RHEX: variants seen among roughly 807,000 people sequenced by gnomAD.
RHEX encodes regulator of hemoglobinization and erythroid cell expansion, also known as regulator of hemoglobinization and erythroid cell expansion protein.
In RHEX, 18 loss-of-function variants were observed where a neutral mutation model predicts 20.1. That is an observed-to-expected ratio of 0.90 (90% confidence interval 0.62 to 1.33). The LOEUF (loss-of-function observed/expected upper bound fraction) is 1.33. Ranked by LOEUF, RHEX falls within the 40% of genes most tolerant of loss-of-function variation. RHEX has a pLI of 0.00. For missense variants in RHEX, 192 were observed against 214.3 expected, an observed-to-expected ratio of 0.90 and a Z score of 0.65; for synonymous variants, 87 against 77.1, an observed-to-expected ratio of 1.13 and a Z score of -0.67.
chr1:206,062,969 C>A (rs1302589326), intron 1 of RHEX, among the ~76,000 whole-genome samples: 8 of 152,146 alleles, frequency 5.3e-5, no homozygotes, highest in Admixed American at 5.2e-4. Flanking sequence ...CATAAACACA[C>A]AAAATGTCAG....
At chr1:206,070,597 G>A (rs191426820) in intron 1 of RHEX, among the ~76,000 whole-genome samples, 1 of 152,210 alleles carries the variant, frequency 6.6e-6, no homozygotes, top group Non-Finnish European at 1.5e-5. Context: ...TGTTTCTACT[G>A]TACTGGGGAA....
intron 1 of RHEX, among the ~76,000 whole-genome samples, chr1:206,054,156 A>T: frequency 6.6e-6 from 1 of 152,036 alleles, no homozygotes; most frequent in East Asian, 1.9e-4. Flanking sequence ...GGGAGACAGA[A>T]TTTATGTAAA....
At chr1:206,064,181 A>G in intron 1 of RHEX, among the ~76,000 whole-genome samples, 1 of 139,750 alleles carries the variant, frequency 7.2e-6, no homozygotes, top group African/African-American at 2.8e-5. Flanking sequence ...AGAAGTTAGG[A>G]GCCTCTCCGC....
At chr1:206,096,395 G>A (rs1663069075) in intron 1 of RHEX, among the ~76,000 whole-genome samples, 1 of 152,200 alleles carries the variant, frequency 6.6e-6, no homozygotes, top group Non-Finnish European at 1.5e-5. Flanking sequence ...TTTAAAAATG[G>A]AACATTGTTG....
intron 1 of RHEX, among the ~76,000 whole-genome samples, chr1:206,094,089 C>T (rs571239262): frequency 6.6e-6 from 1 of 152,166 alleles, no homozygotes; most frequent in South Asian, 2.1e-4. Context: ...GAGGATGGAA[C>T]GAGGCACACC....
In RHEX at chr1:206,099,682, C is replaced by T. The variant is rs782274022; in HGVS notation, c.140C>T (p.Ala47Val). 5.6e-6 allele frequency: 9 copies of T among 1,613,976 alleles called. No homozygotes were observed. The highest frequency in any genetic ancestry group is 3.3e-5 in the South Asian group (3 of 91,082). The change falls in exon 4 of 6, where the codon GCG (alanine) becomes GTG (valine). Residue 47 changes from alanine (A) to valine (V), a missense_variant. Ala to Val is a moderately conservative substitution (Grantham distance 64). Transcript: ENST00000331555. ...MAHKSEQILK[A>V]ASLQVPRPSP... ...CACAAGAGTGAACAGATACTGAAAGCGGCCAGTCTCCAGGTTCCCAGGCCC... is the reference window on the plus strand; with the variant it reads ...CACAAGAGTGAACAGATACTGAAAGTGGCCAGTCTCCAGGTTCCCAGGCCC...
intron 1 of RHEX, among the ~76,000 whole-genome samples, chr1:206,090,127 T>G (rs1200455554): frequency 6.6e-6 from 1 of 152,030 alleles, no homozygotes. Context: ...CACAGGCATA[T>G]TTTTTCAAGT....
intron 4 of RHEX, among the ~76,000 whole-genome samples, chr1:206,100,073 C>T (rs1663157665): frequency 6.6e-6 from 1 of 152,174 alleles, no homozygotes; most frequent in Admixed American, 6.5e-5. Flanking sequence ...TGTCCCTGCT[C>T]TTCTCTTTGT....
At chr1:206,080,642 G>A (rs1281898496) in intron 1 of RHEX, among the ~76,000 whole-genome samples, 1 of 152,118 alleles carries the variant, frequency 6.6e-6, no homozygotes, top group Non-Finnish European at 1.5e-5. Context: ...ATCACTGTTT[G>A]ATCTCCCCTT....
At chr1:206,086,177 G>A (rs143021758) in intron 1 of RHEX, among the ~76,000 whole-genome samples, 25 of 152,184 alleles carry the variant, frequency 1.6e-4, no homozygotes, top group Non-Finnish European at 3.1e-4. Flanking sequence ...CCATGGTTTC[G>A]TACACTGTGT....
intron 1 of RHEX, among the ~76,000 whole-genome samples, chr1:206,057,965 C>T (rs1662228311): frequency 6.6e-6 from 1 of 152,282 alleles, no homozygotes. Context: ...ATGAGAAATG[C>T]TATCTATCAA....
At chr1:206,064,037 C>T (rs1662361064) in intron 1 of RHEX, among the ~76,000 whole-genome samples, 2 of 147,586 alleles carry the variant, frequency 1.4e-5, no homozygotes, top group African/African-American at 5.0e-5. Flanking sequence ...AGCGCCTTTG[C>T]CCCGCCGCCC....
At chr1:206,096,303 C>T (rs1442346815) in intron 1 of RHEX, among the ~76,000 whole-genome samples, 28 of 152,228 alleles carry the variant, frequency 1.8e-4, no homozygotes, top group Admixed American at 1.8e-3. Context: ...GGCCAACCCC[C>T]TCAAGGGGAG....
intron 1 of RHEX, among the ~76,000 whole-genome samples, chr1:206,077,608 C>CA (rs1425273325): frequency 6.6e-6 from 1 of 152,040 alleles, no homozygotes; most frequent in Non-Finnish European, 1.5e-5. Context: ...TTTGTCTCTA[C>CA]AAAAAATTAA....
intron 1 of RHEX, among the ~76,000 whole-genome samples, chr1:206,093,222 A>T (rs377377820): frequency 2.0e-5 from 3 of 152,132 alleles, no homozygotes; most frequent in African/African-American, 7.2e-5. Flanking sequence ...AGATTAATAA[A>T]GTCAGTTGAC....
intron 1 of RHEX, among the ~76,000 whole-genome samples, chr1:206,074,125 C>T (rs577656555): frequency 4.6e-5 from 7 of 152,218 alleles, no homozygotes; most frequent in Non-Finnish European, 1.0e-4. Flanking sequence ...CCAGAATCCT[C>T]CCTCCACTCC....
chr1:206,061,651 T>C (rs1662312574), intron 1 of RHEX: 1 of 152,350 alleles, frequency 6.6e-6, no homozygotes, highest in Non-Finnish European at 1.5e-5. Flanking sequence ...ACCAGGGTTC[T>C]ATCTCTAAAG....
At chr1:206,078,516 A>G (rs28572205) in intron 1 of RHEX, among the ~76,000 whole-genome samples, 2,807 of 152,314 alleles carry the variant, frequency 0.018, 82 homozygotes, top group African/African-American at 0.065. Context: ...AGCCATGATC[A>G]TGCCACTGCA....
At chr1:206,083,450 A>C in intron 1 of RHEX, 3 of 972,572 alleles carry the variant, frequency 3.1e-6, no homozygotes, top group Non-Finnish European at 3.7e-6. Flanking sequence ...CTCTCCCTTC[A>C]CCCTGCTGTA....
Sources: allele counts gnomAD v4.1 joint callset (sites outside exome capture counted in the v4.1 genomes callset), GRCh38; gene constraint gnomAD v4.1.1; transcripts MANE v1.5; gene names NCBI Gene and HGNC (gene_info 2026-07-23, HGNC 2026-07-21).